Variants in ADGRA3 observed in about 807,000 individuals in gnomAD.
ADGRA3 encodes adhesion G protein-coupled receptor A3, also known as G-protein coupled receptor 125.
Under a neutral mutation model 119.8 loss-of-function variants are expected in ADGRA3, and 56 were observed. The ratio of observed to expected loss-of-function variants is 0.47; its 90% CI spans 0.38 to 0.58. The LOEUF is 0.58. ADGRA3 is among the 20% of genes least tolerant of loss of function. ADGRA3 has a pLI of 0.00. For missense variants in ADGRA3, 1,516 were observed against 1,649.0 expected, an observed-to-expected ratio of 0.92 and a Z score of 1.40; for synonymous variants, 607 against 623.8, an observed-to-expected ratio of 0.97 and a Z score of 0.40.
chr4:22,498,758 A>C (rs559522291), intron 1 of ADGRA3, among the ~76,000 whole-genome samples: 1 of 152,256 alleles, frequency 6.6e-6, no homozygotes, highest in East Asian at 1.9e-4. Flanking sequence ...TACTAAAAAT[A>C]CAAAAATTAG....
chr4:22,462,307 G>T (rs970070171), intron 2 of ADGRA3, among the ~76,000 whole-genome samples: 4 of 151,640 alleles, frequency 2.6e-5, no homozygotes, highest in Middle Eastern at 3.4e-3. Context: ...GGGGTTTTTT[G>T]TTGTTGTTGT....
At chr4:22,505,692 T>C (rs1373435503) in intron 1 of ADGRA3, among the ~76,000 whole-genome samples, 2 of 150,680 alleles carry the variant, frequency 1.3e-5, no homozygotes, top group Admixed American at 1.3e-4. Flanking sequence ...GTTATCCCCC[T>C]GCTGTTTTAG....
chr4:22,387,620 T>A lies in ADGRA3; in HGVS notation c.*85A>T. On this transcript the variant is annotated 3_prime_UTR_variant, in exon 19 of 19. Coordinates refer to ENST00000334304, the MANE Select transcript of ADGRA3 (RefSeq NM_145290.4). ...AATTCTTTTGAATCCCTATGGTGGC[T>A]GTAAACAGTTTTTAAATGCTCATAG... The A allele has an allele frequency of 3.0e-6, 4 of 1,321,396 alleles. No individual in the cohort carries two copies. In the South Asian group the frequency reaches 4.9e-5, roughly 16 times the overall value. 81.9% of individuals were successfully genotyped at this position (1,321,396 alleles called of 1,614,324 possible).
intron 16 of ADGRA3, chr4:22,393,772 C>T (rs1714236561): frequency 6.6e-6 from 1 of 152,176 alleles, no homozygotes; most frequent in Admixed American, 6.5e-5. Flanking sequence ...AATGCGACCT[C>T]TCTGAAATTA....
At chr4:22,419,557 T>C (rs1392511343) in intron 12 of ADGRA3, among the ~76,000 whole-genome samples, 2 of 152,108 alleles carry the variant, frequency 1.3e-5, no homozygotes, top group African/African-American at 4.8e-5. Context: ...CTTTAGCAAG[T>C]AGAAACTCTC....
In ADGRA3 at chr4:22,434,416, C is replaced by A. The variant is rs550815540; in HGVS notation, c.1443+895G>T. 3.9e-5 allele frequency among the ~76,000 whole-genome samples: 6 copies of A among 152,094 alleles called. No individual in the cohort carries two copies. In the East Asian group the frequency reaches 1.2e-3, roughly 29 times the overall value. On this transcript the variant is annotated intron_variant, in intron 10 of 18. Coordinates refer to ENST00000334304, the MANE Select transcript of ADGRA3 (RefSeq NM_145290.4). Reference sequence around the variant, plus strand: ...ACAGAGCACTTTTAGAGTTCCAAGTCAGGGCCACATTGTATGGGAAGGTGA... The same window carrying A: ...ACAGAGCACTTTTAGAGTTCCAAGTAAGGGCCACATTGTATGGGAAGGTGA...
In ADGRA3 at chr4:22,389,166, C is replaced by A. The variant is rs757380056; in HGVS notation, c.2645G>T (p.Gly882Val). 6.2e-7 allele frequency: 1 copy of A among 1,612,786 alleles called. No individual in the cohort carries two copies. The highest frequency in any genetic ancestry group is 1.3e-5 in the African/African-American group (1 of 74,890). Reference sequence around the variant, plus strand: ...GCCGCAAACAATGATGGGGATACCACCACCAATCAGGTAAAATCTAGAAGG... The same window carrying A: ...GCCGCAAACAATGATGGGGATACCAACACCAATCAGGTAAAATCTAGAAGG... ...RPMLRFYLIG[G>V]GIPIIVCGIT... Residue 882 changes from glycine (G) to valine (V), a missense_variant, in exon 18 of 19, where the codon GGT (glycine) becomes GTT (valine). Transcript: ENST00000334304.
intron 1 of ADGRA3, among the ~76,000 whole-genome samples, chr4:22,497,363 A>G (rs1244538550): frequency 2.6e-5 from 4 of 152,306 alleles, no homozygotes; most frequent in African/African-American, 9.6e-5. Flanking sequence ...CTATAAAAAA[A>G]AAAAGTCTCT....
At chr4:22,505,634 G>A (rs1415841959) in intron 1 of ADGRA3, among the ~76,000 whole-genome samples, 4 of 142,848 alleles carry the variant, frequency 2.8e-5, no homozygotes, top group Admixed American at 7.1e-5. Context: ...GCGACAGAGC[G>A]AGACTCTGTC....
intron 10 of ADGRA3, among the ~76,000 whole-genome samples, chr4:22,430,307 T>G (rs1716109673): frequency 6.6e-6 from 1 of 152,172 alleles, no homozygotes; most frequent in African/African-American, 2.4e-5. Flanking sequence ...AAATAGGCGT[T>G]GGAACAGTCT....
chr4:22,505,926 G>T (rs992035239), intron 1 of ADGRA3, among the ~76,000 whole-genome samples: 1 of 152,180 alleles, frequency 6.6e-6, no homozygotes, highest in Non-Finnish European at 1.5e-5. Flanking sequence ...GGGTGGCACT[G>T]AATATTTGCT....
chr4:22,499,157 A>T (rs566242531), intron 1 of ADGRA3, among the ~76,000 whole-genome samples: 2 of 152,326 alleles, frequency 1.3e-5, no homozygotes, highest in East Asian at 3.9e-4. Context: ...TGCTATTATA[A>T]TGCAATATAA....
At chr4:22,464,751 C>T (rs1440243445) in intron 2 of ADGRA3, among the ~76,000 whole-genome samples, 1 of 152,166 alleles carries the variant, frequency 6.6e-6, no homozygotes, top group African/African-American at 2.4e-5. Flanking sequence ...GGAATGAAAA[C>T]AGGATATCCC....
At chr4:22,483,748 G>A (rs1718326254) in intron 1 of ADGRA3, among the ~76,000 whole-genome samples, 1 of 152,136 alleles carries the variant, frequency 6.6e-6, no homozygotes, top group South Asian at 2.1e-4. Flanking sequence ...ATACATTAAG[G>A]TTTCACTATG....
Position 22,504,413 on chromosome 4 carries a change from G to A in ADGRA3, c.257+11115C>T, listed in dbSNP as rs903341554. ...TGTGTGTCCTGACAAAGAAAATCTC[G>A]CGTCTCTCCAAGGTGCCTGTCAATA... On this transcript the variant is annotated intron_variant, in intron 1 of 18. Transcript: ENST00000334304. 2.6e-5 allele frequency among the ~76,000 whole-genome samples: 4 copies of A among 152,072 alleles called. No homozygotes were observed. In the South Asian group the frequency reaches 8.3e-4, roughly 32 times the overall value.
intron 1 of ADGRA3, among the ~76,000 whole-genome samples, chr4:22,495,620 A>G (rs1718790045): frequency 6.6e-6 from 1 of 152,030 alleles, no homozygotes. Context: ...AAAGTATCAA[A>G]GTTATAGGCC....
chr4:22,438,223 T>TA (rs1716471577), intron 8 of ADGRA3, 33 bp downstream of exon 8: 2 of 1,587,088 alleles, frequency 1.3e-6, no homozygotes, highest in South Asian at 2.2e-5. Flanking sequence ...TGGGACAAAT[T>TA]AAACTTTTCC....
chr4:22,474,335 C>T (rs1046647807), intron 1 of ADGRA3, among the ~76,000 whole-genome samples: 8 of 152,258 alleles, frequency 5.3e-5, no homozygotes, highest in Admixed American at 5.2e-4. Flanking sequence ...AATCTACTGT[C>T]CATTTGTGTA....
chr4:22,471,053 T>G (rs1717843153), intron 2 of ADGRA3, among the ~76,000 whole-genome samples: 1 of 152,094 alleles, frequency 6.6e-6, no homozygotes. Context: ...CAGGCTTTCA[T>G]TTGGAAGACA....
Sources: gnomAD v4.1 joint callset for allele counts (sites outside exome capture counted in the v4.1 genomes callset) on GRCh38, gnomAD v4.1.1 for gene constraint, MANE v1.5 for transcripts, NCBI Gene and HGNC (gene_info 2026-07-23, HGNC 2026-07-21) for gene names.